Variants in TSNARE1 observed in about 807,000 individuals in gnomAD.
The protein encoded by TSNARE1 is t-SNARE domain containing 1, also known as t-SNARE domain-containing protein 1.
Under a neutral mutation model 62.0 loss-of-function variants are expected in TSNARE1, and 49 were observed. The observed-to-expected ratio is 0.79, with a 90% CI of 0.63 to 1.00. TSNARE1 has a LOEUF of 1.00. Among genes scored for constraint, TSNARE1 ranks in the 50% least tolerant of loss-of-function variants. TSNARE1 has a pLI of 0.00. For missense variants in TSNARE1, 755 were observed against 700.1 expected, an observed-to-expected ratio of 1.08 and a Z score of -0.88; for synonymous variants, 328 against 294.4, an observed-to-expected ratio of 1.11 and a Z score of -1.17.
At chr8:142,403,455 C>G (rs973389321), upstream of TSNARE1, among the ~76,000 whole-genome samples, 1 of 152,048 alleles carries the variant, frequency 6.6e-6, no homozygotes, top group African/African-American at 2.4e-5. Flanking sequence ...GGCGGCGGCC[C>G]GGCGCTGAGG....
intron 12 of TSNARE1, among the ~76,000 whole-genome samples, chr8:142,230,483 C>T (rs1042855440): frequency 6.6e-6 from 1 of 152,056 alleles, no homozygotes; most frequent in African/African-American, 2.4e-5. Flanking sequence ...GGAGAGAGCA[C>T]TCAGGAAGCC....
intron 12 of TSNARE1, chr8:142,270,914 G>A (rs887150185): frequency 2.1e-5 from 21 of 985,376 alleles, no homozygotes; most frequent in African/African-American, 1.9e-4. Flanking sequence ...GCAAGGACGC[G>A]ACATCACAGG....
At chr8:142,310,525 TGAG>T (rs1250747758) in intron 9 of TSNARE1, among the ~76,000 whole-genome samples, 36 of 152,344 alleles carry the variant, frequency 2.4e-4, no homozygotes, top group African/African-American at 7.7e-4. Context: ...GTTCTGTTGA[TGAG>T]GAGTTCTCTC....
chr8:142,271,706 C>T, intron 12 of TSNARE1: 1 of 1,357,200 alleles, frequency 7.4e-7, no homozygotes. Context: ...CAGAGGGAGA[C>T]AGGAAAATGT....
At chr8:142,314,540 C>T (rs1828211983) in intron 8 of TSNARE1, 100 bp from the exon 9 acceptor site, 1 of 988,158 alleles carries the variant, frequency 1.0e-6, no homozygotes, top group Admixed American at 2.1e-5. Flanking sequence ...GACGACGGTG[C>T]AGCAAAACAC....
intron 13 of TSNARE1, among the ~76,000 whole-genome samples, chr8:142,216,805 C>A (rs1815861022): frequency 1.3e-5 from 2 of 152,232 alleles, no homozygotes; most frequent in South Asian, 4.1e-4. Context: ...GGTTGTTTAT[C>A]CTCCTCTCAG....
intron 1 of TSNARE1, among the ~76,000 whole-genome samples, chr8:142,394,948 A>G (rs1837794607): frequency 6.6e-6 from 1 of 152,182 alleles, no homozygotes; most frequent in Non-Finnish European, 1.5e-5. Context: ...GAGAGATGCA[A>G]GCAGGTGACC....
In TSNARE1 at chr8:142,316,607, G is replaced by C. The variant is rs1369305461; in HGVS notation, c.985-1515C>G. ...TCCCCACAACCCAGTTTTAGAACAT[G>C]CCCATCACCCCAGAAAGGGCCCTGC... On this transcript the variant is annotated intron_variant, in intron 7 of 13. Transcript: ENST00000524325. 2.0e-5 allele frequency among the ~76,000 whole-genome samples: 3 copies of C among 151,714 alleles called. 1 individual carries two copies.
At chr8:142,375,913 G>C (rs1270886466) in intron 1 of TSNARE1, among the ~76,000 whole-genome samples, 2 of 152,208 alleles carry the variant, frequency 1.3e-5, no homozygotes, top group Non-Finnish European at 2.9e-5. Flanking sequence ...TGTAAGGAGA[G>C]AGGAAGAGGG....
At chr8:142,338,773 G>A (rs1054648830) in intron 4 of TSNARE1, among the ~76,000 whole-genome samples, 10 of 152,236 alleles carry the variant, frequency 6.6e-5, no homozygotes, top group African/African-American at 1.4e-4. Flanking sequence ...TTGAGCTAGC[G>A]CTGGGTGCCT....
chr8:142,226,304 ACACGCATGGGCTTGCG>A (rs1816767248), intron 13 of TSNARE1, among the ~76,000 whole-genome samples: 2 of 152,132 alleles, frequency 1.3e-5, no homozygotes, highest in African/African-American at 2.4e-5. Context: ...GTGGCCGGGC[ACACGCATGGGCTTGCG>A]CATACATGCA....
At chr8:142,390,965 TGTACACTGCTGGGGACTCTATAGCAGAC>T in intron 1 of TSNARE1, among the ~76,000 whole-genome samples, 1 of 141,386 alleles carries the variant, frequency 7.1e-6, no homozygotes, top group South Asian at 2.4e-4. Context: ...TAGCAGACGC[TGTACACTGCTGGGGACTCTATAGCAGAC>T]GCTGTACACT....
chr8:142,348,790 A>G (rs1586953209), intron 2 of TSNARE1, among the ~76,000 whole-genome samples: 1 of 152,218 alleles, frequency 6.6e-6, no homozygotes, highest in Admixed American at 6.5e-5. Context: ...GCCCGTGTGC[A>G]TGGAGCTCTG....
chr8:142,296,482 C>T (rs1235214759), intron 10 of TSNARE1, among the ~76,000 whole-genome samples: 1 of 148,964 alleles, frequency 6.7e-6, no homozygotes, highest in African/African-American at 2.5e-5. Context: ...GGGGGAAGGG[C>T]AGTCACTGTC....
chr8:142,301,862 G>A (rs1825837141), intron 9 of TSNARE1, among the ~76,000 whole-genome samples: 2 of 152,188 alleles, frequency 1.3e-5, no homozygotes, highest in African/African-American at 4.8e-5. Context: ...GAGCGAGGTG[G>A]GGCTGGCACC....
intron 9 of TSNARE1, among the ~76,000 whole-genome samples, chr8:142,304,852 G>A (rs1407529530): frequency 6.6e-6 from 1 of 152,204 alleles, no homozygotes; most frequent in Non-Finnish European, 1.5e-5. Context: ...GGCCATACAC[G>A]CCCCTGGAGA....
chr8:142,376,107 G>A (rs1476485437), intron 1 of TSNARE1, among the ~76,000 whole-genome samples: 3 of 152,200 alleles, frequency 2.0e-5, no homozygotes, highest in African/African-American at 4.8e-5. Context: ...CCTGACCTGC[G>A]TGCAACCTTC....
chr8:142,322,995 G>GT (rs1563912322), intron 6 of TSNARE1, among the ~76,000 whole-genome samples: 1 of 151,826 alleles, frequency 6.6e-6, no homozygotes, highest in African/African-American at 2.4e-5. Context: ...CGGTCTGGCC[G>GT]TGTCTGTGGG....
At chr8:142,303,027 C>T (rs1826027815) in intron 9 of TSNARE1, among the ~76,000 whole-genome samples, 1 of 152,294 alleles carries the variant, frequency 6.6e-6, no homozygotes, top group Middle Eastern at 3.4e-3. Context: ...CCATGCCCCT[C>T]CCGTGTGTGT....
Sources: allele counts gnomAD v4.1 joint callset (sites outside exome capture counted in the v4.1 genomes callset), GRCh38; gene constraint gnomAD v4.1.1; transcripts MANE v1.5; gene names NCBI Gene and HGNC (gene_info 2026-07-23, HGNC 2026-07-21).